MYLK3: variants seen among roughly 807,000 people sequenced by gnomAD.
The protein encoded by MYLK3 is myosin light chain kinase 3.
A neutral mutation model predicts 76.3 loss-of-function variants in MYLK3; 55 were observed. That is an observed-to-expected ratio of 0.72 (90% CI 0.58 to 0.90). MYLK3 has a LOEUF of 0.90. Ranked by LOEUF, MYLK3 falls within the 40% of genes least tolerant of loss-of-function variation. The probability of loss-of-function intolerance (pLI) is 0.00; values close to 1 mark genes in which losing one functional copy is unlikely to be tolerated. For synonymous variants in MYLK3, 416 were observed against 425.4 expected (o/e 0.98, Z 0.27); for missense variants, 973 against 1,053.6 (o/e 0.92, Z 1.06).
At chr16:46,729,224 A>G in intron 6 of MYLK3, 91 bp from the exon 7 acceptor site, 1 of 969,102 alleles carries the variant, frequency 1.0e-6, no homozygotes. Flanking sequence ...AGAACTCCTC[A>G]TTCTTCCTTA....
At chr16:46,718,496 C>T (rs1966767656) in intron 9 of MYLK3, among the ~76,000 whole-genome samples, 1 of 152,172 alleles carries the variant, frequency 6.6e-6, no homozygotes, top group South Asian at 2.1e-4. Flanking sequence ...GGAGGAGTGA[C>T]CAGGAAGACC....
chr16:46,732,473 C>T lies in MYLK3; in HGVS notation c.1197G>A (p.Glu399=), dbSNP rs1966854554. ...TGCTGCTCTCCTGCAGCGGGGAGAG[C>T]TCTCTGGCTCCTTCAGGGGTCTGTT... ...PGEQTPEGAR[E]LSPLQESSSP... is the part of the protein sequence containing the mutation. Residue 399 remains glutamate (E), a synonymous_variant, in exon 4 of 13, where the codon GAG becomes GAA. Transcript: ENST00000394809. 1 of 1,610,574 alleles carries T rather than the reference C, an allele frequency of 6.2e-7. No individual in the cohort carries two copies. Among genetic ancestry groups the T allele is most frequent in the East Asian group, 2.2e-5 (1 of 44,876 alleles).
intron 1 of MYLK3, among the ~76,000 whole-genome samples, chr16:46,758,786 A>C (rs1967238958): frequency 6.6e-6 from 1 of 152,170 alleles, no homozygotes; most frequent in Admixed American, 6.5e-5. Flanking sequence ...AATGACCTGG[A>C]ACTCCCTGGC....
In MYLK3 at chr16:46,737,966, T is replaced by G. The variant is rs747386009; in HGVS notation, c.746A>C (p.Lys249Thr). The change falls in exon 3 of 13, where the codon AAG (lysine) becomes ACG (threonine). Residue 249 changes from lysine to threonine, a missense_variant. Coordinates refer to ENST00000394809, the MANE Select transcript of MYLK3 (RefSeq NM_182493.3). The part of the protein sequence containing the change: ...HLPLPTKVEA[K>T]APETPSENLR... ...GTTCTCGCTGGGTGTCTCAGGAGCC[T>G]TGGCTTCCACCTTTGTGGGCAGGGG... The G allele has an allele frequency of 1.1e-5, 17 of 1,614,004 alleles. No homozygotes were observed. The highest frequency in any genetic ancestry group is 1.4e-5 in the Non-Finnish European group (17 of 1,180,026).
chr16:46,750,466 C>G (rs1967108589), upstream of MYLK3, among the ~76,000 whole-genome samples: 1 of 152,184 alleles, frequency 6.6e-6, no homozygotes, highest in South Asian at 2.1e-4. Context: ...GAGGCCAAAG[C>G]AAATGGATCA....
chr16:46,719,278 G>A (rs886081842), intron 9 of MYLK3, among the ~76,000 whole-genome samples: 2 of 150,780 alleles, frequency 1.3e-5, no homozygotes, highest in Admixed American at 6.6e-5. Flanking sequence ...AGTGAGCCGA[G>A]ATCGTGCCAC....
intron 9 of MYLK3, among the ~76,000 whole-genome samples, chr16:46,718,692 G>A (rs747114678): frequency 2.0e-5 from 3 of 152,220 alleles, no homozygotes; most frequent in Non-Finnish European, 2.9e-5. Context: ...AGGGCCAGGC[G>A]TGGTGGCTCA....
At chr16:46,709,460 A>T in intron 12 of MYLK3, 79 bp downstream of exon 12, 6 of 1,478,106 alleles carry the variant, frequency 4.1e-6, no homozygotes, top group Non-Finnish European at 5.5e-6. Context: ...AAAAAAAGAA[A>T]AGGAAACTTA....
At chr16:46,761,228 C>T (rs1276440446) in intron 1 of MYLK3, among the ~76,000 whole-genome samples, 1 of 152,068 alleles carries the variant, frequency 6.6e-6, no homozygotes, top group Non-Finnish European at 1.5e-5. Context: ...GCAAGGACCA[C>T]CCTCCAGCCA....
At chr16:46,709,820 T>A in intron 11 of MYLK3, 149 bp from the exon 12 acceptor site, 2 of 936,614 alleles carry the variant, frequency 2.1e-6, no homozygotes, top group Non-Finnish European at 3.1e-6. Flanking sequence ...GAACTCCTTG[T>A]GTCTAAAATT....
chr16:46,731,669 G>T (rs993252021), intron 4 of MYLK3, among the ~76,000 whole-genome samples: 7 of 152,204 alleles, frequency 4.6e-5, no homozygotes, highest in African/African-American at 1.7e-4. Context: ...ACTAGCCCGG[G>T]TGGGTGGGAA....
rs1178151882 is a variant in MYLK3 at position 46,732,661 on chromosome 16, T to C, written c.1009A>G (p.Ile337Val). The C allele has an allele frequency of 6.6e-7, 1 of 1,511,344 alleles. No individual in the cohort carries two copies. The highest frequency in any genetic ancestry group is 1.4e-5 in the African/African-American group (1 of 72,288). The allele number at this position is 1,511,344 out of a possible 1,614,324, so 93.6% of individuals were successfully genotyped here. A position where few individuals can be genotyped will look rare whatever the true frequency, so the allele number is the denominator to read the frequency against. Residue 337 changes from isoleucine (I) to valine (V), a missense_variant, in exon 4 of 13, where the codon ATC (isoleucine) becomes GTC (valine). Physicochemically the swap from Ile to Val is conservative, Grantham distance 29. Around this residue, in one of 2 missense-constraint regions of MYLK3, gnomAD observed 641 missense variants for 637.0 expected, o/e 1.01. Coordinates refer to ENST00000394809, the MANE Select transcript of MYLK3 (RefSeq NM_182493.3). ...SGGETPPRIS[I>V]HIQEMDTPGE... Reference sequence around the variant, plus strand: ...GGAGTATCCATCTCTTGTATGTGGATGGAGATCCTGGGGTGGAGAGAAACA... The same window carrying C: ...GGAGTATCCATCTCTTGTATGTGGACGGAGATCCTGGGGTGGAGAGAAACA...
At chr16:46,712,062 C>T (rs922430416) in intron 10 of MYLK3, among the ~76,000 whole-genome samples, 2 of 147,308 alleles carry the variant, frequency 1.4e-5, no homozygotes, top group Non-Finnish European at 1.5e-5. Flanking sequence ...ATGATCATGG[C>T]TCACTGCAGC....
chr16:46,721,766 G>GAT (rs887244526), intron 8 of MYLK3, among the ~76,000 whole-genome samples: 2 of 152,174 alleles, frequency 1.3e-5, no homozygotes, highest in Admixed American at 1.3e-4. Context: ...ATACCTCTGT[G>GAT]ATATATAATT....
intron 3 of MYLK3, among the ~76,000 whole-genome samples, chr16:46,736,792 TAGGAA>T (rs1337070668): frequency 6.6e-5 from 10 of 152,112 alleles, no homozygotes; most frequent in African/African-American, 2.4e-4. Flanking sequence ...CAGAAGATGC[TAGGAA>T]ACACCAGGTC....
upstream of MYLK3, among the ~76,000 whole-genome samples, chr16:46,752,928 A>C (rs1345089236): frequency 6.6e-6 from 1 of 152,208 alleles, no homozygotes; most frequent in Non-Finnish European, 1.5e-5. Flanking sequence ...CTCAAGTTGA[A>C]AGACTGACCT....
chr16:46,729,795 C>G (rs1260056972), intron 5 of MYLK3, 108 bp from the exon 6 acceptor site: 10 of 933,542 alleles, frequency 1.1e-5, no homozygotes, highest in African/African-American at 1.6e-5. Flanking sequence ...GTGGACCATC[C>G]TACATCCCAG....
At chr16:46,756,250 T>C (rs188781352) in intron 1 of MYLK3, among the ~76,000 whole-genome samples, 74 of 152,338 alleles carry the variant, frequency 4.9e-4, no homozygotes, top group Middle Eastern at 6.8e-3. Context: ...AATACAATCA[T>C]TGATTTTGCA....
Position 46,707,657 on chromosome 16 carries a change from A to T in MYLK3, c.*47T>A. On this transcript the variant is annotated 3_prime_UTR_variant, in exon 13 of 13. Transcript: ENST00000394809. ...GTTTGAGTCATCTCTTCACTTCACC[A>T]CTGGCCTCAGTAATTTCTGGACCCA... 7.5e-7 allele frequency: 1 copy of T among 1,339,014 alleles called. No individual in the cohort carries two copies. The highest frequency in any genetic ancestry group is 1.1e-6 in the Non-Finnish European group (1 of 941,750). The allele number at this position is 1,339,014 out of a possible 1,614,324, so 82.9% of individuals were successfully genotyped here.
Sources: gnomAD v4.1 joint callset for allele counts (sites outside exome capture counted in the v4.1 genomes callset) on GRCh38, gnomAD v4.1.1 for gene constraint, gnomAD v4.1.1 regional missense constraint, MANE v1.5 for transcripts, NCBI Gene and HGNC (gene_info 2026-07-23, HGNC 2026-07-21) for gene names.